Variants in LPGAT1 observed in about 807,000 individuals in gnomAD.
The protein encoded by LPGAT1 is lysophosphatidylglycerol acyltransferase 1, also known as acyl-CoA:lysophosphatidylglycerol acyltransferase 1.
LPGAT1 carries 11 observed loss-of-function variants against 47.5 expected under a neutral mutation model. The ratio of observed to expected loss-of-function variants is 0.23; its 90% CI spans 0.15 to 0.38. The LOEUF (loss-of-function observed/expected upper bound fraction) is 0.38. LPGAT1 is among the 10% of genes least tolerant of loss of function. LPGAT1 has a pLI of 1.00. For synonymous variants in LPGAT1, 138 were observed against 144.2 expected (o/e 0.96, Z 0.31); for missense variants, 293 against 439.0 (o/e 0.67, Z 2.97).
rs538468407 is a variant in LPGAT1 at position 211,801,837 on chromosome 1, T to C, written c.239-8647A>G. On this transcript the variant is annotated intron_variant, in intron 2 of 7. Transcript: ENST00000366997. ...GCTCACTCCTGTAATCCCAGCACTTTGGGAGGCTGAGGAGGGTGGATCACT... is the reference window on the plus strand; with the variant it reads ...GCTCACTCCTGTAATCCCAGCACTTCGGGAGGCTGAGGAGGGTGGATCACT... Among the ~76,000 whole-genome samples, 3 of 152,040 alleles carry C rather than the reference T, an allele frequency of 2.0e-5. No individual in the cohort carries two copies. The South Asian group carries it at 6.2e-4, about 32-fold the overall frequency.
intron 2 of LPGAT1, among the ~76,000 whole-genome samples, chr1:211,806,677 A>AT (rs1217539639): frequency 2.0e-5 from 3 of 152,208 alleles, no homozygotes; most frequent in Admixed American, 6.5e-5. Flanking sequence ...TAACAAATAA[A>AT]ATTTTTTTAA....
At position 211,783,511 on chromosome 1, in the gene LPGAT1, T is replaced by TAC; in HGVS notation, c.454-11_454-10dup. 6.2e-7 allele frequency: 1 copy of TAC among 1,609,140 alleles called. No individual in the cohort carries two copies. The highest frequency in any genetic ancestry group is 8.5e-7 in the Non-Finnish European group (1 of 1,176,886). On this transcript the variant is annotated splice_polypyrimidine_tract_variant and intron_variant, in intron 4 of 7. Coordinates refer to ENST00000366997, the MANE Select transcript of LPGAT1 (RefSeq NM_014873.3). ...TCACGATAAGATCTTCCCTAGAAGG[T>TAC]ACACACACACGTAATAAGTACAGGT... is the stretch of plus-strand genomic sequence containing the variant.
chr1:211,790,245 T>C lies in LPGAT1; in HGVS notation c.358-2518A>G, dbSNP rs575211915. Among the ~76,000 whole-genome samples, 8 of 152,260 alleles carry C rather than the reference T, an allele frequency of 5.3e-5. No individual in the cohort carries two copies. The South Asian group carries it at 1.2e-3, about 24-fold the overall frequency. On this transcript the variant is annotated intron_variant, in intron 3 of 7. Coordinates refer to ENST00000366997, the MANE Select transcript of LPGAT1 (RefSeq NM_014873.3). ...GCTACTAGCATTTAGTGTGTGGCAGTTGGGTACACAAAACGTCTGGCAATG... is the reference window on the plus strand; with the variant it reads ...GCTACTAGCATTTAGTGTGTGGCAGCTGGGTACACAAAACGTCTGGCAATG...
At chr1:211,753,567 A>C (rs778715173) in intron 6 of LPGAT1, among the ~76,000 whole-genome samples, 7 of 152,052 alleles carry the variant, frequency 4.6e-5, no homozygotes, top group Non-Finnish European at 7.4e-5. Flanking sequence ...GTATGCTATT[A>C]TTGTATTATT....
chr1:211,829,937 G>A lies in LPGAT1; in HGVS notation c.-27-614C>T, dbSNP rs895867875. 5.1e-6 allele frequency: 5 copies of A among 985,256 alleles called. No individual in the cohort carries two copies. In the Admixed American group the frequency reaches 1.8e-4, roughly 36 times the overall value. 61.0% of individuals were successfully genotyped at this position (985,256 alleles called of 1,614,324 possible). ...TTACAAGGTGAGAGGAAGAAAGTAG[G>A]GGGTTATAATGCGAAAAAGAGGAAG... On this transcript the variant is annotated intron_variant, in intron 1 of 7. Transcript: ENST00000366997.
At chr1:211,766,979 C>T (rs962174538) in intron 6 of LPGAT1, among the ~76,000 whole-genome samples, 4 of 151,126 alleles carry the variant, frequency 2.6e-5, no homozygotes, top group Non-Finnish European at 5.9e-5. Context: ...GGCATATCTT[C>T]CAATTAGAGA....
chr1:211,799,677 A>G (rs1219875228), intron 2 of LPGAT1, among the ~76,000 whole-genome samples: 1 of 152,204 alleles, frequency 6.6e-6, no homozygotes, highest in Non-Finnish European at 1.5e-5. Flanking sequence ...GGCAACAATA[A>G]GGAGGGGTAG....
chr1:211,745,517 A>C lies in LPGAT1; in HGVS notation c.*4382T>G, dbSNP rs954186764. The C allele has an allele frequency of 3.9e-5, 6 of 152,232 alleles. No individual in the cohort carries two copies. The highest frequency in any genetic ancestry group is 1.4e-4 in the African/African-American group (6 of 41,462). 9.4% of individuals were successfully genotyped at this position (152,232 alleles called of 1,614,324 possible). A position where few individuals can be genotyped will look rare whatever the true frequency, so the allele number is the denominator to read the frequency against. ...AGATATGTGTGCATACTTTGCAACT[A>C]GAATACACTTAAAAAACGTTTGCTC... On this transcript the variant is annotated 3_prime_UTR_variant, in exon 8 of 8. Transcript: ENST00000366997.
intron 2 of LPGAT1, among the ~76,000 whole-genome samples, chr1:211,795,902 C>A (rs879764860): frequency 6.6e-6 from 1 of 152,012 alleles, no homozygotes; most frequent in Admixed American, 6.6e-5. Flanking sequence ...CTAAAGTGAA[C>A]AGCAGTTAAA....
chr1:211,802,747 G>A (rs1413636521), intron 2 of LPGAT1, among the ~76,000 whole-genome samples: 1 of 152,122 alleles, frequency 6.6e-6, no homozygotes, highest in Non-Finnish European at 1.5e-5. Context: ...TAGTTAAAGA[G>A]CATTTGAGGG....
At chr1:211,813,091 T>C (rs763138351) in intron 2 of LPGAT1, among the ~76,000 whole-genome samples, 3 of 152,168 alleles carry the variant, frequency 2.0e-5, no homozygotes, top group Non-Finnish European at 2.9e-5. Flanking sequence ...AAACTGTCTA[T>C]AAATAAAAGA....
intron 6 of LPGAT1, among the ~76,000 whole-genome samples, chr1:211,756,894 C>T (rs1006626736): frequency 7.1e-6 from 1 of 139,998 alleles, no homozygotes; most frequent in Non-Finnish European, 1.5e-5. Flanking sequence ...TTTTTCCACA[C>T]ATGGAGAGTC....
intron 6 of LPGAT1, among the ~76,000 whole-genome samples, chr1:211,770,440 T>G (rs1658117205): frequency 6.6e-6 from 1 of 152,216 alleles, no homozygotes; most frequent in Non-Finnish European, 1.5e-5. Flanking sequence ...TTGTACATTT[T>G]TCTTCTGGGT....
intron 2 of LPGAT1, among the ~76,000 whole-genome samples, chr1:211,826,041 A>G (rs1291068246): frequency 6.6e-6 from 1 of 152,210 alleles, no homozygotes; most frequent in East Asian, 1.9e-4. Flanking sequence ...CAGTGTCTTC[A>G]GAGTACTTTT....
chr1:211,773,417 G>A (rs1339109245), intron 6 of LPGAT1, among the ~76,000 whole-genome samples: 1 of 152,038 alleles, frequency 6.6e-6, no homozygotes, highest in Admixed American at 6.5e-5. Context: ...ATTAAAATAA[G>A]TTATTTCCCA....
intron 4 of LPGAT1, among the ~76,000 whole-genome samples, chr1:211,784,944 C>T (rs1658802572): frequency 6.6e-6 from 1 of 151,926 alleles, no homozygotes; most frequent in South Asian, 2.1e-4. Flanking sequence ...GCTGGGACTA[C>T]AGGCGCCTGC....
intron 2 of LPGAT1, among the ~76,000 whole-genome samples, chr1:211,801,634 G>C (rs2102570602): frequency 6.6e-6 from 1 of 151,882 alleles, no homozygotes; most frequent in South Asian, 2.1e-4. Context: ...CTTGAGCCCA[G>C]GAGTTCAAAG....
intron 4 of LPGAT1, among the ~76,000 whole-genome samples, chr1:211,785,767 C>A (rs1057089530): frequency 6.6e-5 from 10 of 152,134 alleles, no homozygotes; most frequent in Middle Eastern, 3.4e-3. Flanking sequence ...CTACCATGCC[C>A]AGCCAATTTT....
rs1032293757 is a variant in LPGAT1, at chr1:211,749,780, T to C, written c.*119A>G. The C allele has an allele frequency of 1.2e-5, 12 of 964,716 alleles. No homozygotes were observed. Among genetic ancestry groups the C allele is most frequent in the Admixed American group, 9.0e-5 (4 of 44,302 alleles). 59.8% of individuals were successfully genotyped at this position (964,716 alleles called of 1,614,324 possible). A position where few individuals can be genotyped will look rare whatever the true frequency, so the allele number is the denominator to read the frequency against. ...CCAAAGGGGGATAAATATTAATCCA[T>C]CCATTGAATTTCTTTTGCTTTTTTT... On this transcript the variant is annotated 3_prime_UTR_variant, in exon 8 of 8. Coordinates refer to ENST00000366997, the MANE Select transcript of LPGAT1 (RefSeq NM_014873.3).
Sources: gnomAD v4.1 joint callset for allele counts (sites outside exome capture counted in the v4.1 genomes callset) on GRCh38, gnomAD v4.1.1 for gene constraint, MANE v1.5 for transcripts, NCBI Gene and HGNC (gene_info 2026-07-23, HGNC 2026-07-21) for gene names.